MYO1E: variants seen among roughly 807,000 people sequenced by gnomAD.
The protein encoded by MYO1E is myosin IE, also known as unconventional myosin-Ie.
MYO1E carries 68 observed loss-of-function variants against 151.1 expected under a neutral mutation model. That is an observed-to-expected ratio of 0.45 (90% CI 0.37 to 0.55). The LOEUF is 0.55. MYO1E is among the 20% of genes least tolerant of loss of function. MYO1E has a pLI of 0.00. For missense variants in MYO1E, 1,363 were observed against 1,389.3 expected, an observed-to-expected ratio of 0.98 and a Z score of 0.30; for synonymous variants, 601 against 501.7, an observed-to-expected ratio of 1.20 and a Z score of -2.64.
intron 5 of MYO1E, among the ~76,000 whole-genome samples, chr15:59,234,261 GGTGC>G (rs2080048267): frequency 6.8e-6 from 1 of 147,488 alleles, no homozygotes. Flanking sequence ...TGGATGGATG[GGTGC>G]ATGGATGGAT....
chr15:59,353,369 A>AAAAAAAAAAG (rs1178465167), intron 1 of MYO1E, among the ~76,000 whole-genome samples: 39 of 96,860 alleles, frequency 4.0e-4, no homozygotes, highest in East Asian at 9.1e-4. Flanking sequence ...AAAAAAAAAA[A>AAAAAAAAAAG]AAAAGAAAAG....
chr15:59,147,767 C>T (rs1402869427), intron 26 of MYO1E, among the ~76,000 whole-genome samples: 1 of 152,062 alleles, frequency 6.6e-6, no homozygotes, highest in Non-Finnish European at 1.5e-5. Flanking sequence ...ATGCTCTGTG[C>T]CCACGGAGAA....
intron 1 of MYO1E, among the ~76,000 whole-genome samples, chr15:59,321,541 T>A (rs763070818): frequency 8.5e-5 from 13 of 152,048 alleles, no homozygotes; most frequent in South Asian, 4.1e-4. Flanking sequence ...GCAACATGGA[T>A]GAAACTGGGG....
intron 2 of MYO1E, among the ~76,000 whole-genome samples, chr15:59,264,079 CTTT>C (rs1170137367): frequency 6.6e-6 from 1 of 152,108 alleles, no homozygotes; most frequent in Non-Finnish European, 1.5e-5. Flanking sequence ...GCAGATTGTG[CTTT>C]TTTTCATATT....
At chr15:59,207,603 C>A in intron 14 of MYO1E, 2 of 1,614,110 alleles carry the variant, frequency 1.2e-6, no homozygotes, top group Non-Finnish European at 1.7e-6. Context: ...GTTTTCGTTT[C>A]TTGATTGGAC....
chr15:59,170,159 TAAAACAAAACAAAAC>T (rs199974292), intron 22 of MYO1E, among the ~76,000 whole-genome samples: 1,854 of 151,734 alleles, frequency 0.012, 19 homozygotes, highest in Non-Finnish European at 0.019. Context: ...AGACTCTGTC[TAAAACAAAACAAAAC>T]AAAACAAAAC....
At chr15:59,189,700 G>A (rs2079721561) in intron 17 of MYO1E, among the ~76,000 whole-genome samples, 1 of 152,064 alleles carries the variant, frequency 6.6e-6, no homozygotes, top group Non-Finnish European at 1.5e-5. Context: ...TCAGCATCTC[G>A]AATAGCTGGA....
intron 17 of MYO1E, among the ~76,000 whole-genome samples, chr15:59,194,809 C>T (rs928010637): frequency 1.3e-5 from 2 of 152,220 alleles, no homozygotes; most frequent in African/African-American, 2.4e-5. Context: ...GCCGCCATTT[C>T]TTCCTGCCCA....
intron 1 of MYO1E, among the ~76,000 whole-genome samples, chr15:59,334,238 T>C (rs56176161): frequency 0.51 from 78,231 of 152,146 alleles, 24,652 homozygotes; most frequent in Non-Finnish European, 0.71. Context: ...CCATGATTAT[T>C]GCATCACTGC....
chr15:59,134,085 C>T lies in MYO1E; in HGVS notation c.*3295G>A, dbSNP rs1355920913. ...ACAGCTCTGTGCAGAGACCTCCAGC[C>T]CCCTTGAGTTGAGGCCACATGACTA... On this transcript the variant is annotated 3_prime_UTR_variant, in exon 28 of 28. Coordinates refer to ENST00000288235, the MANE Select transcript of MYO1E (RefSeq NM_004998.4). 2 of 152,276 alleles carry T rather than the reference C, an allele frequency of 1.3e-5. No individual in the cohort carries two copies. The highest frequency in any genetic ancestry group is 2.4e-5 in the African/African-American group (1 of 41,442). The allele number at this position is 152,276 out of a possible 1,614,324, so 9.4% of individuals were successfully genotyped here.
chr15:59,329,580 G>A (rs1159039923), intron 1 of MYO1E, among the ~76,000 whole-genome samples: 3 of 152,214 alleles, frequency 2.0e-5, no homozygotes, highest in Non-Finnish European at 2.9e-5. Flanking sequence ...GAAAATCACA[G>A]GGTGGTGAGC....
At chr15:59,235,944 T>C (rs1163597693) in intron 5 of MYO1E, among the ~76,000 whole-genome samples, 1 of 152,240 alleles carries the variant, frequency 6.6e-6, no homozygotes, top group South Asian at 2.1e-4. Context: ...CTTTCATGTT[T>C]TGTGAGTAAT....
At position 59,285,602 on chromosome 15, in the gene MYO1E, G is replaced by A. The variant is rs1246926339; in HGVS notation, c.4-13153C>T. Reference sequence around the variant, plus strand: ...GACGTCAAGTGATCCACCCACCTTGGCCTCCTCAAGTGCTGGGATTACAGG... The same window carrying A: ...GACGTCAAGTGATCCACCCACCTTGACCTCCTCAAGTGCTGGGATTACAGG... On this transcript the variant is annotated intron_variant, in intron 1 of 27. Coordinates refer to ENST00000288235, the MANE Select transcript of MYO1E (RefSeq NM_004998.4). Among the ~76,000 whole-genome samples the A allele has an allele frequency of 2.0e-5, 3 of 151,798 alleles. No individual in the cohort carries two copies. The East Asian group carries it at 5.8e-4, about 29-fold the overall frequency.
intron 25 of MYO1E, among the ~76,000 whole-genome samples, chr15:59,154,047 A>G (rs190441527): frequency 2.0e-5 from 3 of 152,342 alleles, no homozygotes; most frequent in Non-Finnish European, 2.9e-5. Context: ...ATGTACAACA[A>G]TGCATGGTCA....
intron 1 of MYO1E, among the ~76,000 whole-genome samples, chr15:59,275,163 T>A (rs1384242275): frequency 1.3e-5 from 2 of 152,158 alleles, no homozygotes; most frequent in Non-Finnish European, 1.5e-5. Context: ...TTCTTCACAG[T>A]CTCATACATG....
chr15:59,178,944 G>A (rs752363402), intron 18 of MYO1E, among the ~76,000 whole-genome samples: 15 of 152,282 alleles, frequency 9.9e-5, no homozygotes, highest in Middle Eastern at 3.4e-3. Flanking sequence ...GTTTTATAAA[G>A]CTCCTGCTAA....
chr15:59,202,264 C>A, intron 16 of MYO1E, 62 bp downstream of exon 16: 2 of 1,463,422 alleles, frequency 1.4e-6, no homozygotes, highest in Non-Finnish European at 1.9e-6. Flanking sequence ...GGGTGCAGTT[C>A]CTTACTCCTA....
rs869296862 is a variant in MYO1E, at chr15:59,325,035, CT to C, written c.3+47462del. Among the ~76,000 whole-genome samples, 542 of 140,958 alleles carry C rather than the reference CT, an allele frequency of 3.8e-3. 2 individuals are homozygous for C. The highest frequency in any genetic ancestry group is 4.0e-3 in the Admixed American group (56 of 14,146). The allele number at this position is 140,958 out of a possible 152,430, so 92.5% of individuals were successfully genotyped here. A position where few individuals can be genotyped will look rare whatever the true frequency, so the allele number is the denominator to read the frequency against. On this transcript the variant is annotated intron_variant, in intron 1 of 27. Coordinates refer to ENST00000288235, the MANE Select transcript of MYO1E (RefSeq NM_004998.4). ...ATTTAAATGAATTCAATTTCCTTTT[CT>C]TTTTTTTTTTTATTTCTGGGACAGA...
In MYO1E at chr15:59,133,103, G is replaced by A. The variant is rs1236875713; in HGVS notation, c.*4277C>T. On this transcript the variant is annotated 3_prime_UTR_variant, in exon 28 of 28. Transcript: ENST00000288235. ...AAATGATTAAAAGCACAGGCCTTTT[G>A]GGCACAGTGGCTCATGCTTGTAATC... The A allele has an allele frequency of 2.6e-5, 4 of 151,864 alleles. No homozygotes were observed. Among genetic ancestry groups the A allele is most frequent in the African/African-American group, 9.7e-5 (4 of 41,314 alleles). 9.4% of individuals were successfully genotyped at this position (151,864 alleles called of 1,614,324 possible). A position where few individuals can be genotyped will look rare whatever the true frequency, so the allele number is the denominator to read the frequency against.
Sources: gnomAD v4.1 joint callset for allele counts (sites outside exome capture counted in the v4.1 genomes callset) on GRCh38, gnomAD v4.1.1 for gene constraint, MANE v1.5 for transcripts, NCBI Gene and HGNC (gene_info 2026-07-23, HGNC 2026-07-21) for gene names.